RAD51B: variants seen among roughly 807,000 people sequenced by gnomAD.
RAD51B encodes the protein RAD51 paralog B.
Under a neutral mutation model 42.2 loss-of-function variants are expected in RAD51B, and 38 were observed. The observed-to-expected ratio is 0.90, with a 90% confidence interval of 0.70 to 1.18. The LOEUF (loss-of-function observed/expected upper bound fraction) is 1.18, where lower values mean the gene tolerates loss of function less well. Among genes scored for constraint, RAD51B ranks in the 50% most tolerant of loss-of-function variants. RAD51B has a pLI of 0.00. For missense variants in RAD51B, 373 were observed against 400.7 expected (o/e 0.93, Z 0.59); for synonymous variants, 154 against 145.2 (o/e 1.06, Z -0.43).
chr14:68,312,308 G>A (rs931896228), intron 8 of RAD51B, among the ~76,000 whole-genome samples: 5 of 152,220 alleles, frequency 3.3e-5, no homozygotes, highest in African/African-American at 1.2e-4. Context: ...GTTCGGAGCA[G>A]AATGTATAAC....
At position 67,982,007 on chromosome 14, in the gene RAD51B, G is replaced by T. The variant is rs956951824; in HGVS notation, c.756+94803G>T. The stretch of plus-strand genomic sequence containing the variant: ...GCTATAATGCAGTGGCGCAGTCTAG[G>T]CTCACTGCAGCCTCTGCCTCCCAGG... On this transcript the variant is annotated intron_variant, in intron 7 of 10. Transcript: ENST00000471583. Among the ~76,000 whole-genome samples the T allele has an allele frequency of 2.6e-5, 4 of 152,240 alleles. No individual in the cohort carries two copies. In the East Asian group the frequency reaches 7.7e-4, roughly 29 times the overall value.
At chr14:67,959,614 C>T (rs1051462807) in intron 7 of RAD51B, among the ~76,000 whole-genome samples, 1 of 152,078 alleles carries the variant, frequency 6.6e-6, no homozygotes, top group Admixed American at 6.5e-5. Flanking sequence ...ATATGCTGAT[C>T]TAAAAGTGTT....
intron 8 of RAD51B, among the ~76,000 whole-genome samples, chr14:68,344,284 G>A (rs767102657): frequency 8.5e-5 from 13 of 152,268 alleles, no homozygotes; most frequent in East Asian, 1.9e-4. Context: ...CAGGGACAGC[G>A]CTGCCCATGC....
At chr14:67,830,936 G>A (rs2140290084) in intron 3 of RAD51B, among the ~76,000 whole-genome samples, 1 of 151,910 alleles carries the variant, frequency 6.6e-6, no homozygotes, top group East Asian at 1.9e-4. Flanking sequence ...ACCCAGGCTG[G>A]AGTGCAATGG....
chr14:68,005,045 GTT>G lies in RAD51B; in HGVS notation c.756+117867_756+117868del, dbSNP rs753867497. Reference sequence around the variant, plus strand: ...CTACCATTCTACTGTGTGTGTGTGTGTTTTTTTTTTTTTTTTTTTTTTTTTTT... The same window carrying G: ...CTACCATTCTACTGTGTGTGTGTGTGTTTTTTTTTTTTTTTTTTTTTTTTT... On this transcript the variant is annotated intron_variant, in intron 7 of 10. Transcript: ENST00000471583. 5.3e-3 allele frequency among the ~76,000 whole-genome samples: 417 copies of G among 79,216 alleles called. 1 individual carries two copies. The highest frequency in any genetic ancestry group is 0.02 in the African/African-American group (379 of 18,586). 52.0% of individuals were successfully genotyped at this position (79,216 alleles called of 152,430 possible).
At chr14:68,314,646 T>A (rs2082021879) in intron 8 of RAD51B, among the ~76,000 whole-genome samples, 1 of 152,062 alleles carries the variant, frequency 6.6e-6, no homozygotes, top group Non-Finnish European at 1.5e-5. Flanking sequence ...AGTGGATGGA[T>A]CTTATTTATT....
At chr14:68,188,755 T>C (rs2079206498) in intron 7 of RAD51B, among the ~76,000 whole-genome samples, 1 of 152,226 alleles carries the variant, frequency 6.6e-6, no homozygotes, top group Non-Finnish European at 1.5e-5. Context: ...GAGACTTCTT[T>C]TGACTTCTTC....
At chr14:67,937,149 G>C (rs115965145) in intron 7 of RAD51B, among the ~76,000 whole-genome samples, 1,995 of 152,204 alleles carry the variant, frequency 0.013, 29 homozygotes, top group African/African-American at 0.035. Flanking sequence ...CCATGAAGGG[G>C]ATAACAGTTG....
At chr14:68,541,630 G>C (rs1887972686) in intron 10 of RAD51B, 1 of 985,452 alleles carries the variant, frequency 1.0e-6, no homozygotes. Context: ...CTAACTGCTT[G>C]TAGCAAAGCT....
At chr14:68,542,347 A>G (rs1156905975) in intron 10 of RAD51B, among the ~76,000 whole-genome samples, 1 of 152,190 alleles carries the variant, frequency 6.6e-6, no homozygotes, top group African/African-American at 2.4e-5. Flanking sequence ...TGTCAATGCT[A>G]TTATTCTTAT....
chr14:67,960,580 T>TC (rs1433269044), intron 7 of RAD51B, among the ~76,000 whole-genome samples: 1 of 152,236 alleles, frequency 6.6e-6, no homozygotes. Context: ...ATAAAATAAA[T>TC]TTAAGATAAA....
At chr14:68,245,364 G>A (rs1383917960) in intron 7 of RAD51B, among the ~76,000 whole-genome samples, 2 of 152,186 alleles carry the variant, frequency 1.3e-5, no homozygotes, top group African/African-American at 4.8e-5. Flanking sequence ...CATGGAAGTG[G>A]TGCCTTATGT....
intron 8 of RAD51B, among the ~76,000 whole-genome samples, chr14:68,400,249 T>C (rs1445513430): frequency 6.6e-6 from 1 of 152,186 alleles, no homozygotes; most frequent in Admixed American, 6.5e-5. Context: ...AAGTACTTCG[T>C]TGGATATGTA....
chr14:68,554,934 C>G (rs1185152890), intron 10 of RAD51B, among the ~76,000 whole-genome samples: 1 of 151,844 alleles, frequency 6.6e-6, no homozygotes, highest in African/African-American at 2.4e-5. Context: ...CTGCAACCTC[C>G]ACCTCCAGGG....
intron 10 of RAD51B, among the ~76,000 whole-genome samples, chr14:68,538,628 G>A (rs1280729020): frequency 2.7e-5 from 4 of 149,178 alleles, no homozygotes; most frequent in South Asian, 2.1e-4. Flanking sequence ...CTAGCACACC[G>A]CTTTTTTTTT....
chr14:67,821,515 T>G (rs2040626501), intron 1 of RAD51B, among the ~76,000 whole-genome samples: 1 of 152,230 alleles, frequency 6.6e-6, no homozygotes, highest in African/African-American at 2.4e-5. Flanking sequence ...TAGAGTGCAG[T>G]GGCATGACCA....
intron 7 of RAD51B, among the ~76,000 whole-genome samples, chr14:67,976,159 C>T (rs1166199278): frequency 5.3e-5 from 8 of 151,916 alleles, no homozygotes; most frequent in African/African-American, 1.9e-4. Context: ...CTCTGCTGTC[C>T]AGGCTGGAGT....
intron 9 of RAD51B, among the ~76,000 whole-genome samples, chr14:68,435,303 T>C (rs1324064971): frequency 1.3e-5 from 2 of 152,158 alleles, no homozygotes; most frequent in Admixed American, 1.3e-4. Context: ...CCTATGTTAA[T>C]TCACTTAGGA....
chr14:68,122,078 A>G (rs1408756023), intron 7 of RAD51B, among the ~76,000 whole-genome samples: 1 of 152,142 alleles, frequency 6.6e-6, no homozygotes, highest in Non-Finnish European at 1.5e-5. Context: ...CTTATCCAAA[A>G]ATAAATCCTT....
Sources: allele counts gnomAD v4.1 joint callset (sites outside exome capture counted in the v4.1 genomes callset), GRCh38; gene constraint gnomAD v4.1.1; transcripts MANE v1.5; gene names NCBI Gene and HGNC (gene_info 2026-07-23, HGNC 2026-07-21).